The following TRMT2B variants were observed in gnomAD, a reference collection of about 807,000 sequenced individuals.
TRMT2B encodes the protein tRNA methyltransferase 2B, also known as tRNA (uracil-5-)-methyltransferase homolog B.
In TRMT2B, 34 loss-of-function variants were observed where a neutral mutation model predicts 39.7. That is an observed-to-expected ratio of 0.86 (90% confidence interval 0.65 to 1.14). TRMT2B has a LOEUF of 1.14. TRMT2B is among the 50% of genes most tolerant of loss of function. The pLI is 0.00. For synonymous variants in TRMT2B, 132 were observed against 137.3 expected, an observed-to-expected ratio of 0.96 and a Z score of 0.27; for missense variants, 318 against 377.2, an observed-to-expected ratio of 0.84 and a Z score of 1.30.
chrX:101,019,247 C>T lies in TRMT2B; in HGVS notation c.1288+37G>A. On this transcript the variant is annotated intron_variant, in intron 12 of 13. Coordinates refer to ENST00000372936, the MANE Select transcript of TRMT2B (RefSeq NM_024917.6). ...GAAAAGAAGAACCAAAGTTGATGGA[C>T]AATACTGGGAACATCAAAATAGCTG... 2.5e-6 allele frequency: 3 copies of T among 1,208,617 alleles called. No individual in the cohort carries two copies. The South Asian group carries it at 5.3e-5, about 21-fold the overall frequency.
At chrX:101,033,458 G>C (rs1602615117) in intron 7 of TRMT2B, among the ~76,000 whole-genome samples, 1 of 108,871 alleles carries the variant, frequency 9.2e-6, no homozygotes, top group African/African-American at 3.3e-5. Context: ...GGCCAGGCGT[G>C]GTGGTGTGTG....
the TRMT2B span, chrX:100,986,902 G>T: frequency 1.7e-6 from 2 of 1,156,395 alleles, no homozygotes; most frequent in Admixed American, 2.3e-5. Flanking sequence ...ATGCCGAGTA[G>T]TAAGTGTCAA....
At chrX:100,987,928 C>T in the TRMT2B span, among the ~76,000 whole-genome samples, 1 of 112,027 alleles carries the variant, frequency 8.9e-6, no homozygotes, top group Non-Finnish European at 1.9e-5. Context: ...CATGAACCTA[C>T]TCAATATTCT....
At chrX:101,027,406 AT>A (rs751653222) in intron 7 of TRMT2B, among the ~76,000 whole-genome samples, 29,851 of 90,547 alleles carry the variant, frequency 0.33, 3,939 homozygotes, top group African/African-American at 0.39. Context: ...TAATTTTTGC[AT>A]TTTTTTTTTT....
chrX:101,032,981 C>G (rs62602400), intron 7 of TRMT2B, among the ~76,000 whole-genome samples: 1 of 109,965 alleles, frequency 9.1e-6, no homozygotes, highest in Admixed American at 9.9e-5. Context: ...GGCGGCCAGG[C>G]ACGGTGGCTC....
the TRMT2B span, among the ~76,000 whole-genome samples, chrX:100,976,759 G>A: frequency 1.8e-5 from 2 of 112,289 alleles, no homozygotes; most frequent in African/African-American, 6.5e-5. Flanking sequence ...TTACAGGCAT[G>A]TGCTAACTTT....
At chrX:101,013,139 T>C (rs1482402162) in intron 13 of TRMT2B, among the ~76,000 whole-genome samples, 3 of 110,317 alleles carry the variant, frequency 2.7e-5, no homozygotes, top group Non-Finnish European at 5.7e-5. Flanking sequence ...TATAATCTTA[T>C]GGCACCAACA....
At chrX:100,987,471 A>G in the TRMT2B span, 1 of 1,211,556 alleles carries the variant, frequency 8.3e-7, no homozygotes, top group East Asian at 3.0e-5. Context: ...ATTAGCTGTC[A>G]TTGATACTTG....
chrX:100,996,999 A>G, the TRMT2B span, among the ~76,000 whole-genome samples: 2 of 110,569 alleles, frequency 1.8e-5, no homozygotes, highest in African/African-American at 6.5e-5. Flanking sequence ...ATGGAAAGAA[A>G]GGAACTAGAT....
chrX:100,993,700 TATCA>T, the TRMT2B span, among the ~76,000 whole-genome samples: 1 of 112,067 alleles, frequency 8.9e-6, no homozygotes, highest in Non-Finnish European at 1.9e-5. Context: ...ACATAGAATC[TATCA>T]ATCACAAAAA....
intron 13 of TRMT2B, 56 bp from the exon 14 acceptor site, chrX:101,010,763 A>G: frequency 1.7e-6 from 2 of 1,151,563 alleles, no homozygotes; most frequent in South Asian, 4.1e-5. Context: ...AACCCACAGG[A>G]ATACAATTGC....
chrX:100,982,224 C>T, the TRMT2B span, among the ~76,000 whole-genome samples: 1 of 111,286 alleles, frequency 9.0e-6, no homozygotes, highest in East Asian at 2.8e-4. Flanking sequence ...GGTGTGGTAG[C>T]TCACGCCTGT....
chrX:101,005,573 C>CT (rs10567072), downstream of TRMT2B, among the ~76,000 whole-genome samples: 447 of 91,723 alleles, frequency 4.9e-3, 2 homozygotes, highest in East Asian at 0.018. Context: ...ATTCAGCTGC[C>CT]TTTTTTTTTT....
chrX:101,043,291 G>A (rs1482370285), intron 2 of TRMT2B, among the ~76,000 whole-genome samples: 1 of 110,487 alleles, frequency 9.1e-6, no homozygotes, highest in African/African-American at 3.3e-5. Context: ...AATAAATAAG[G>A]TGGGGAGAGG....
intron 11 of TRMT2B, among the ~76,000 whole-genome samples, chrX:101,020,273 G>C (rs927041483): frequency 9.0e-6 from 1 of 111,456 alleles, no homozygotes; most frequent in African/African-American, 3.3e-5. Context: ...CTTCCCTTAG[G>C]TTCCTCTTCT....
At chrX:101,043,859 C>A (rs1007673079) in intron 2 of TRMT2B, among the ~76,000 whole-genome samples, 15 of 112,064 alleles carry the variant, frequency 1.3e-4, no homozygotes, top group African/African-American at 4.2e-4. Flanking sequence ...AATGTTCATG[C>A]CTGAATAAAA....
chrX:101,028,810 T>G (rs1469483947), intron 7 of TRMT2B, among the ~76,000 whole-genome samples: 1 of 110,984 alleles, frequency 9.0e-6, no homozygotes, highest in African/African-American at 3.3e-5. Flanking sequence ...GGGGTGGACC[T>G]CCCCTTGCTG....
chrX:101,032,315 C>T (rs745600454), intron 7 of TRMT2B, among the ~76,000 whole-genome samples: 4 of 101,739 alleles, frequency 3.9e-5, no homozygotes, highest in East Asian at 6.3e-4. Context: ...GGGCTGGGTG[C>T]GGTGGCTCAC....
chrX:100,995,850 T>C, the TRMT2B span, among the ~76,000 whole-genome samples: 2 of 112,390 alleles, frequency 1.8e-5, no homozygotes, highest in African/African-American at 6.5e-5. Context: ...TACATGCTGA[T>C]CCTAACTATG....
Sources: allele counts gnomAD v4.1 joint callset (sites outside exome capture counted in the v4.1 genomes callset), GRCh38; gene constraint gnomAD v4.1.1; transcripts MANE v1.5; gene names NCBI Gene and HGNC (gene_info 2026-07-23, HGNC 2026-07-21).